NLRP12: variants seen among roughly 807,000 people sequenced by gnomAD.
NLRP12 encodes NACHT, LRR and PYD domains-containing protein 12.
A neutral mutation model predicts 91.2 loss-of-function variants in NLRP12; 108 were observed. The observed-to-expected ratio is 1.18, with a 90% CI of 1.01 to 1.39. The LOEUF is 1.39. Ranked by LOEUF, NLRP12 falls within the 40% of genes most tolerant of loss-of-function variation. The pLI, the probability that NLRP12 is intolerant of heterozygous loss-of-function variation, is 0.00. For missense variants in NLRP12, 1,530 were observed against 1,352.7 expected (o/e 1.13, Z -2.06); for synonymous variants, 613 against 566.7 (o/e 1.08, Z -1.16).
In NLRP12 at chr19:53,813,898, G is replaced by A. The variant is rs1179580477; in HGVS notation, c.370+1010C>T. Among the ~76,000 whole-genome samples the A allele has an allele frequency of 2.0e-5, 3 of 149,598 alleles. No homozygotes were observed. The East Asian group carries it at 6.0e-4, about 30-fold the overall frequency. ...TTTTTGTAGAGATGGGGTCTTGCTT[G>A]TTGCCCAGGCTGGTCTCAGAGCCTG... On this transcript the variant is annotated intron_variant, in intron 2 of 9. Coordinates refer to ENST00000324134, the MANE Select transcript of NLRP12 (RefSeq NM_144687.4).
Position 53,824,114 on chromosome 19 carries a change from C to CG in NLRP12, c.60dup (p.Glu21ArgfsTer58), listed in dbSNP as rs1568705544. The CG allele has an allele frequency of 2.5e-6, 4 of 1,614,092 alleles. No individual in the cohort carries two copies. Among genetic ancestry groups the CG allele is most frequent in the Non-Finnish European group, 3.4e-6 (4 of 1,180,032 alleles). ...TTGAACTTCTTCAGTTCCACAGCCT[C>CG]GAGTTCTTCCAAGTAGGTGGACAGG... On this transcript the variant is annotated frameshift_variant, in exon 1 of 10. Transcript: ENST00000324134. LOFTEE classifies it high-confidence loss of function.
At chr19:53,821,854 G>A (rs2092268612) in intron 1 of NLRP12, among the ~76,000 whole-genome samples, 1 of 152,120 alleles carries the variant, frequency 6.6e-6, no homozygotes, top group African/African-American at 2.4e-5. Context: ...AGAAGATGGA[G>A]AATATTCCAG....
chr19:53,807,481 C>T lies in NLRP12; in HGVS notation c.2243+14G>A. 2.5e-6 allele frequency: 4 copies of T among 1,612,370 alleles called. No individual in the cohort carries two copies. Among genetic ancestry groups the T allele is most frequent in the Non-Finnish European group, 3.4e-6 (4 of 1,179,170 alleles). ...TGGGGACCACCTGAAACGCCCAGAC[C>T]AGCCTGCACTCACCTCAGGTTCTGA... is the stretch of plus-strand genomic sequence containing the variant. On this transcript the variant is annotated intron_variant, in intron 4 of 9. Coordinates refer to ENST00000324134, the MANE Select transcript of NLRP12 (RefSeq NM_144687.4).
chr19:53,810,950 C>G lies in NLRP12; in HGVS notation c.709G>C (p.Gly237Arg), dbSNP rs373956169. Residue 237 changes from glycine (G) to arginine (R), a missense_variant, in exon 3 of 10, where the codon GGG becomes CGG. Gly to Arg is a moderately radical substitution (Grantham distance 125). Coordinates refer to ENST00000324134, the MANE Select transcript of NLRP12 (RefSeq NM_144687.4). ...AHKVMLDWAD[G>R]KLFQGRFDYL... ...TCAAATCTGCCTTGGAAGAGCTTCC[C>G]GTCCGCCCAGTCCAGCATCACCTTG... 4 of 1,614,156 alleles carry G rather than the reference C, an allele frequency of 2.5e-6. No homozygotes were observed.
At chr19:53,815,764 A>G (rs1199720033) in intron 1 of NLRP12, among the ~76,000 whole-genome samples, 1 of 151,308 alleles carries the variant, frequency 6.6e-6, no homozygotes, top group East Asian at 2.0e-4. Context: ...ATGTGTCACC[A>G]CGCCCGGATA....
At chr19:53,799,635 A>C (rs1487525180) in intron 7 of NLRP12, among the ~76,000 whole-genome samples, 1 of 151,834 alleles carries the variant, frequency 6.6e-6, no homozygotes, top group Non-Finnish European at 1.5e-5. Context: ...GGCGTCCGCC[A>C]CCATGCCTGG....
At chr19:53,802,550 A>G (rs1288166609) in intron 6 of NLRP12, among the ~76,000 whole-genome samples, 1 of 151,964 alleles carries the variant, frequency 6.6e-6, no homozygotes, top group Non-Finnish European at 1.5e-5. Flanking sequence ...TACTAAAAAT[A>G]CAAAAAATTA....
chr19:53,823,424 A>ATATTTTTTAAT (rs2092292888), intron 1 of NLRP12, among the ~76,000 whole-genome samples: 1 of 4,106 alleles, frequency 2.4e-4, no homozygotes, highest in Non-Finnish European at 9.5e-4. Context: ...TGTTTTAAAT[A>ATATTTTTTAAT]TATATATTTA....
At position 53,793,985 on chromosome 19, in the gene NLRP12, G is replaced by A. The variant is rs960031735; in HGVS notation, c.*64C>T. 23 of 1,106,446 alleles carry A rather than the reference G, an allele frequency of 2.1e-5. No homozygotes were observed. The highest frequency in any genetic ancestry group is 2.9e-5 in the Non-Finnish European group (21 of 716,842). 68.5% of individuals were successfully genotyped at this position (1,106,446 alleles called of 1,614,324 possible). A position where few individuals can be genotyped will look rare whatever the true frequency, so the allele number is the denominator to read the frequency against. On this transcript the variant is annotated 3_prime_UTR_variant, in exon 10 of 10. Transcript: ENST00000324134. The stretch of plus-strand genomic sequence containing the variant: ...GGAGGCTGATCATTATGCTGGGGGG[G>A]TGATGAGCACCCTCCCATCTTCCTC...
rs780751328 is a variant in NLRP12 at position 53,811,225 on chromosome 19, G to A, written c.434C>T (p.Ala145Val). 13 of 1,614,092 alleles carry A rather than the reference G, an allele frequency of 8.1e-6. No homozygotes were observed. The highest frequency in any genetic ancestry group is 1.1e-5 in the Non-Finnish European group (13 of 1,180,016). The change falls in exon 3 of 10, where the codon GCG becomes GTG. Residue 145 changes from alanine (A) to valine (V), a missense_variant. Ala to Val is a moderately conservative substitution (Grantham distance 64). Coordinates refer to ENST00000324134, the MANE Select transcript of NLRP12 (RefSeq NM_144687.4). ...GAGGTTGACACATTCCCCTAGGCGC[G>A]CATTGCGGTCTTCCATGAGCCGGAA... ...RKFRLMEDRN[A>V]RLGECVNLSH...
At chr19:53,819,441 A>G (rs1217687981) in intron 1 of NLRP12, among the ~76,000 whole-genome samples, 1 of 21,172 alleles carries the variant, frequency 4.7e-5, no homozygotes, top group Non-Finnish European at 1.0e-4. Context: ...ATATATATAT[A>G]TATATATATA....
chr19:53,818,385 C>T (rs1028084735), intron 1 of NLRP12, among the ~76,000 whole-genome samples: 1 of 151,686 alleles, frequency 6.6e-6, no homozygotes, highest in Admixed American at 6.6e-5. Context: ...AAAGGTAATC[C>T]AGGCCAGCGC....
In NLRP12 at chr19:53,795,957, C is replaced by G. The variant is rs201437704; in HGVS notation, c.3000G>C (p.Leu1000Phe). The G allele has an allele frequency of 5.4e-5, 87 of 1,613,996 alleles. 1 individual carries two copies. Among genetic ancestry groups the G allele is most frequent in the Admixed American group, 3.3e-5 (2 of 59,962 alleles). The part of the protein sequence containing the change: ...LYFTLGINQT[L>F]TDLYLTNNAL... ...CGTTGTTGGTCAGGTAAAGGTCGGT[C>G]AAGGTCTGGTTGATCCCCAGGGTGA... The change falls in exon 9 of 10, where the codon TTG becomes TTC. Residue 1000 changes from leucine to phenylalanine, a missense_variant. By Grantham distance (22) the Leu-to-Phe change is conservative. Transcript: ENST00000324134.
chr19:53,806,309 AAGG>A (rs1463724590), intron 4 of NLRP12, among the ~76,000 whole-genome samples: 1 of 151,956 alleles, frequency 6.6e-6, no homozygotes, highest in African/African-American at 2.4e-5. Context: ...GAGGCTGAGG[AAGG>A]AGGATCACTT....
At chr19:53,795,621 G>A (rs1402272443) in intron 9 of NLRP12, among the ~76,000 whole-genome samples, 8 of 151,814 alleles carry the variant, frequency 5.3e-5, no homozygotes, top group Non-Finnish European at 1.2e-4. Flanking sequence ...TGATCCACCC[G>A]CCTCGGCCTC....
intron 9 of NLRP12, among the ~76,000 whole-genome samples, chr19:53,794,814 G>A (rs1200788368): frequency 6.6e-6 from 1 of 151,702 alleles, no homozygotes; most frequent in Admixed American, 6.6e-5. Context: ...TTACAGTCAC[G>A]TGCCACCATG....
At chr19:53,816,602 A>G (rs543293526) in intron 1 of NLRP12, among the ~76,000 whole-genome samples, 7 of 151,956 alleles carry the variant, frequency 4.6e-5, no homozygotes, top group Non-Finnish European at 7.4e-5. Flanking sequence ...GCTCACTACA[A>G]TCTTCACCTC....
At chr19:53,798,455 C>T in intron 7 of NLRP12, 42 bp from the exon 8 acceptor site, 2 of 1,592,668 alleles carry the variant, frequency 1.3e-6, no homozygotes, top group Non-Finnish European at 1.7e-6. Flanking sequence ...AGGCATTCCT[C>T]CTGCAAAATC....
Position 53,798,398 on chromosome 19 carries a change from C to A in NLRP12, c.2772G>T (p.Arg924=). 1 of 1,614,026 alleles carries A rather than the reference C, an allele frequency of 6.2e-7. No homozygotes were observed. Among genetic ancestry groups the A allele is most frequent in the Non-Finnish European group, 8.5e-7 (1 of 1,179,992 alleles). Residue 924 remains arginine, a synonymous_variant, in exon 8 of 10, where the codon CGG becomes CGT. Transcript: ENST00000324134. ...GACCCTCACAGGCGGCAGAGCCCAG[C>A]CGGCAGATGCCCAACCTGCAAAGAC... is the stretch of plus-strand genomic sequence containing the variant. ...KLQTLRLGIC[R]LGSAACEGLS...
Sources: gnomAD v4.1 joint callset for allele counts (sites outside exome capture counted in the v4.1 genomes callset) on GRCh38, gnomAD v4.1.1 for gene constraint, MANE v1.5 for transcripts, NCBI Gene and HGNC (gene_info 2026-07-23, HGNC 2026-07-21) for gene names.